The following BMAL1 variants were observed in gnomAD, a reference collection of about 807,000 sequenced individuals.
BMAL1 encodes the protein basic helix-loop-helix ARNT like 1, also known as basic helix-loop-helix ARNT-like protein 1.
chr11:13,369,426 T>G, the BMAL1 span, among the ~76,000 whole-genome samples: 7 of 152,366 alleles, frequency 4.6e-5, no homozygotes, highest in African/African-American at 1.7e-4. Flanking sequence ...CTGTGATTTA[T>G]AAACATTTCC....
the BMAL1 span, among the ~76,000 whole-genome samples, chr11:13,292,566 A>G: frequency 5.9e-5 from 9 of 151,800 alleles, no homozygotes; most frequent in South Asian, 2.1e-4. Flanking sequence ...AAAATAAAAT[A>G]AAATGAAAAA....
the BMAL1 span, chr11:13,386,485 C>T: frequency 8.5e-7 from 1 of 1,173,648 alleles, no homozygotes; most frequent in African/African-American, 1.5e-5. Context: ...CAGCATCTCA[C>T]CCTACCATTA....
chr11:13,369,645 C>T, the BMAL1 span: 12 of 1,613,948 alleles, frequency 7.4e-6, no homozygotes, highest in African/African-American at 2.7e-5. Context: ...ACAGATATAA[C>T]CCCTGGGCCA....
the BMAL1 span, among the ~76,000 whole-genome samples, chr11:13,286,870 C>T: frequency 2.0e-5 from 3 of 151,978 alleles, no homozygotes; most frequent in Non-Finnish European, 4.4e-5. Context: ...TTATAAGTGC[C>T]CTTAGGGAAT....
chr11:13,327,063 A>G, the BMAL1 span, among the ~76,000 whole-genome samples: 10 of 150,540 alleles, frequency 6.6e-5, no homozygotes, highest in East Asian at 4.0e-4. Context: ...CTCGTGATCC[A>G]CCCCCCTCAG....
chr11:13,302,548 A>G, the BMAL1 span, among the ~76,000 whole-genome samples: 1 of 152,088 alleles, frequency 6.6e-6, no homozygotes, highest in Non-Finnish European at 1.5e-5. Context: ...TGCAATCGCT[A>G]TTTTCCCTGG....
the BMAL1 span, among the ~76,000 whole-genome samples, chr11:13,326,127 C>T: frequency 3.3e-5 from 5 of 151,330 alleles, no homozygotes; most frequent in South Asian, 2.1e-4. Context: ...TGTTTGAACC[C>T]GGGAGGCAGA....
chr11:13,349,764 C>T, the BMAL1 span, among the ~76,000 whole-genome samples: 10 of 152,174 alleles, frequency 6.6e-5, no homozygotes, highest in Admixed American at 2.6e-4. Context: ...AGCTGAAGGA[C>T]GGCCAGGCAG....
At chr11:13,345,834 T>A in the BMAL1 span, among the ~76,000 whole-genome samples, 4 of 152,268 alleles carry the variant, frequency 2.6e-5, no homozygotes, top group Admixed American at 1.3e-4. Context: ...TGGATCAGGC[T>A]TGATCTGTGG....
the BMAL1 span, among the ~76,000 whole-genome samples, chr11:13,381,991 GAA>G: frequency 6.6e-6 from 1 of 152,102 alleles, no homozygotes; most frequent in African/African-American, 2.4e-5. Flanking sequence ...CAGAGAGAGA[GAA>G]TATCAGGAAT....
At chr11:13,382,416 A>G in the BMAL1 span, among the ~76,000 whole-genome samples, 3 of 152,190 alleles carry the variant, frequency 2.0e-5, no homozygotes, top group Non-Finnish European at 4.4e-5. Context: ...GCATCTTTGC[A>G]CGAGGTCCTA....
chr11:13,302,206 A>G, the BMAL1 span, among the ~76,000 whole-genome samples: 2 of 152,104 alleles, frequency 1.3e-5, no homozygotes, highest in South Asian at 2.1e-4. Context: ...GCTGCAGACA[A>G]TCCCAGGAGG....
the BMAL1 span, among the ~76,000 whole-genome samples, chr11:13,306,363 A>C: frequency 1.3e-5 from 2 of 152,126 alleles, no homozygotes; most frequent in Non-Finnish European, 1.5e-5. Flanking sequence ...CAGCAGAAAG[A>C]AGGACAGGAA....
the BMAL1 span, among the ~76,000 whole-genome samples, chr11:13,284,852 C>A: frequency 3.2e-4 from 48 of 152,226 alleles, no homozygotes; most frequent in Admixed American, 2.5e-3. Context: ...TGTGTCCAGT[C>A]TTCCAGGCTC....
the BMAL1 span, among the ~76,000 whole-genome samples, chr11:13,367,704 C>CAG: frequency 1.5e-5 from 1 of 66,616 alleles, no homozygotes; most frequent in Non-Finnish European, 2.9e-5. Flanking sequence ...GACTCTGTCT[C>CAG]AGAAAAAAAA....
At chr11:13,362,704 T>C in the BMAL1 span, among the ~76,000 whole-genome samples, 3 of 152,134 alleles carry the variant, frequency 2.0e-5, no homozygotes, top group Non-Finnish European at 4.4e-5. Flanking sequence ...ATGTCCGTGT[T>C]CTCAGAGAGG....
At chr11:13,352,845 G>A in the BMAL1 span, among the ~76,000 whole-genome samples, 1 of 152,208 alleles carries the variant, frequency 6.6e-6, no homozygotes. Context: ...GAGAGGGGTA[G>A]TGACAGCTCC....
the BMAL1 span, among the ~76,000 whole-genome samples, chr11:13,284,130 ATATATATATATATG>A: frequency 3.2e-5 from 2 of 62,814 alleles, 1 homozygote; most frequent in Admixed American, 3.6e-4. Context: ...GTGTGTGTGT[ATATATATATATATG>A]TGTATATATA....
chr11:13,348,377 C>T, the BMAL1 span, among the ~76,000 whole-genome samples: 1 of 152,130 alleles, frequency 6.6e-6, no homozygotes, highest in Non-Finnish European at 1.5e-5. Context: ...GAAGCTATTG[C>T]AGTGGTCTGA....
Sources: gnomAD v4.1 joint callset for allele counts (sites outside exome capture counted in the v4.1 genomes callset) on GRCh38, gnomAD v4.1.1 for gene constraint, MANE v1.5 for transcripts, NCBI Gene and HGNC (gene_info 2026-07-23, HGNC 2026-07-21) for gene names.